Variants in SNTN observed in about 807,000 individuals in gnomAD.
SNTN encodes sentan, cilia apical structure protein.
SNTN carries 13 observed loss-of-function variants against 12.3 expected under a neutral mutation model. That is an observed-to-expected ratio of 1.05 (90% CI 0.69 to 1.67). The LOEUF (loss-of-function observed/expected upper bound fraction) is 1.67, where lower values mean the gene tolerates loss of function less well. Ranked by LOEUF, SNTN falls within the 40% of genes most tolerant of loss-of-function variation. The pLI is 0.00. For missense variants in SNTN, 189 were observed against 169.8 expected (o/e 1.11, Z -0.63); for synonymous variants, 69 against 58.5 (o/e 1.18, Z -0.82).
At chr3:63,653,286 C>T (rs1700640806) in intron 1 of SNTN, among the ~76,000 whole-genome samples, 1 of 152,064 alleles carries the variant, frequency 6.6e-6, no homozygotes, top group Non-Finnish European at 1.5e-5. Flanking sequence ...ATGATTCTTT[C>T]TTCTCAAGGG....
intron 3 of SNTN, among the ~76,000 whole-genome samples, chr3:63,660,274 G>C: frequency 6.6e-6 from 1 of 152,118 alleles, no homozygotes. Flanking sequence ...GGGCCAGTTG[G>C]TGAGAAGGGA....
Position 63,664,514 on chromosome 3 carries a change from T to C in SNTN, c.*419T>C, listed in dbSNP as rs75263136. On this transcript the variant is annotated 3_prime_UTR_variant, in exon 4 of 4. Transcript: ENST00000343837. Reference sequence around the variant, plus strand: ...GTTTGCAGAAGTCTAGCAGAAGAGATAGACATTGAACAATTTTTAAATAAT... The same window carrying C: ...GTTTGCAGAAGTCTAGCAGAAGAGACAGACATTGAACAATTTTTAAATAAT... 594 of 156,278 alleles carry C rather than the reference T, an allele frequency of 3.8e-3. 13 individuals carry two copies. The East Asian group carries it at 0.051, about 13-fold the overall frequency. The allele number at this position is 156,278 out of a possible 1,614,324, so 9.7% of individuals were successfully genotyped here. A position where few individuals can be genotyped will look rare whatever the true frequency, so the allele number is the denominator to read the frequency against.
chr3:63,662,515 G>T (rs1390424574), intron 3 of SNTN, among the ~76,000 whole-genome samples: 1 of 152,204 alleles, frequency 6.6e-6, no homozygotes, highest in Non-Finnish European at 1.5e-5. Context: ...CTTAAAATAT[G>T]CAGGAAATAA....
At chr3:63,656,896 T>A (rs1489320700) in intron 2 of SNTN, among the ~76,000 whole-genome samples, 1 of 152,178 alleles carries the variant, frequency 6.6e-6, no homozygotes, top group East Asian at 1.9e-4. Context: ...CAAGCTATAA[T>A]ACTTAGCCTC....
intron 3 of SNTN, among the ~76,000 whole-genome samples, chr3:63,662,372 T>C (rs1190221441): frequency 6.6e-6 from 1 of 152,150 alleles, no homozygotes. Flanking sequence ...AGGCTAAACA[T>C]GGTTTTGGGG....
At chr3:63,653,921 T>C (rs1230904951) in intron 1 of SNTN, among the ~76,000 whole-genome samples, 3 of 152,304 alleles carry the variant, frequency 2.0e-5, no homozygotes, top group Admixed American at 6.5e-5. Flanking sequence ...CCACCCACAC[T>C]ATACCTCCTC....
At position 63,659,725 on chromosome 3, in the gene SNTN, C is replaced by T. The variant is rs1165564901; in HGVS notation, c.146C>T (p.Ala49Val). Residue 49 changes from alanine to valine, a missense_variant and splice_region_variant, in exon 3 of 4, where the codon GCT becomes GTT. Transcript: ENST00000343837. Reference protein sequence around the residue: ...SISKQLASVKALRKCSDLEKA... With the variant: ...SISKQLASVKVLRKCSDLEKA... ...TTATTCCACATTTCTTCTCTCCTAGCTCTGAGGAAGTGCTCAGATCTGGAA... is the reference window on the plus strand; with the variant it reads ...TTATTCCACATTTCTTCTCTCCTAGTTCTGAGGAAGTGCTCAGATCTGGAA... 1.9e-6 allele frequency: 3 copies of T among 1,613,766 alleles called. No homozygotes were observed. Among genetic ancestry groups the T allele is most frequent in the Non-Finnish European group, 2.5e-6 (3 of 1,179,844 alleles).
intron 2 of SNTN, among the ~76,000 whole-genome samples, chr3:63,655,894 G>A (rs965549219): frequency 1.3e-5 from 2 of 152,170 alleles, no homozygotes; most frequent in African/African-American, 2.4e-5. Flanking sequence ...AATCTCATGA[G>A]GATTAGGAAT....
Position 63,664,083 on chromosome 3 carries a change from A to C in SNTN, c.432A>C (p.Lys144Asn), listed in dbSNP as rs369180579. Residue 144 changes from lysine (K) to asparagine (N), a missense_variant, in exon 4 of 4, where the codon AAA (lysine) becomes AAC (asparagine). Lys to Asn is a moderately conservative substitution (Grantham distance 94). Transcript: ENST00000343837. The part of the protein sequence containing the change: ...SDLLQNIRNV[K>N]IMK ...TGCTACAAAATATACGGAATGTAAA[A>C]ATTATGAAATGAACAGTTTTAAATA... is the stretch of plus-strand genomic sequence containing the variant. 3.9e-5 allele frequency: 63 copies of C among 1,606,654 alleles called. No individual in the cohort carries two copies. Among genetic ancestry groups the C allele is most frequent in the Middle Eastern group, 3.3e-4 (2 of 6,048 alleles).
At chr3:63,657,614 G>T (rs950176058) in intron 2 of SNTN, among the ~76,000 whole-genome samples, 1 of 152,072 alleles carries the variant, frequency 6.6e-6, no homozygotes, top group African/African-American at 2.4e-5. Context: ...GAAGGGAAAG[G>T]CATGCTGTTT....
rs889728129 is a variant in SNTN at position 63,658,231 on chromosome 3, C to A, written c.146-1494C>A. Among the ~76,000 whole-genome samples the A allele has an allele frequency of 3.4e-4, 52 of 151,952 alleles. 2 individuals carry two copies. Among genetic ancestry groups the A allele is most frequent in the Admixed American group, 6.6e-5 (1 of 15,240 alleles). ...GCAAATTCCTAATCTCACCCTGAAC[C>A]TCACCCTTTTCGTGGCTGGCTCCTC... On this transcript the variant is annotated intron_variant, in intron 2 of 3. Transcript: ENST00000343837.
intron 2 of SNTN, 48 bp from the exon 3 acceptor site, chr3:63,659,677 G>T: frequency 6.2e-7 from 1 of 1,608,672 alleles, no homozygotes; most frequent in Non-Finnish European, 8.5e-7. Flanking sequence ...TCTGGGGAAG[G>T]GTTATTTCTA....
chr3:63,653,436 G>A (rs1276335000), intron 1 of SNTN, among the ~76,000 whole-genome samples: 2 of 152,076 alleles, frequency 1.3e-5, no homozygotes, highest in Admixed American at 1.3e-4. Flanking sequence ...TAGAAGAGCA[G>A]GAGGCACTCA....
At chr3:63,661,347 T>A (rs1700741548) in intron 3 of SNTN, among the ~76,000 whole-genome samples, 1 of 152,130 alleles carries the variant, frequency 6.6e-6, no homozygotes, top group African/African-American at 2.4e-5. Flanking sequence ...TCTGAAATAT[T>A]GAAAAGATAT....
chr3:63,658,542 A>C, intron 2 of SNTN, among the ~76,000 whole-genome samples: 1 of 151,914 alleles, frequency 6.6e-6, no homozygotes, highest in Non-Finnish European at 1.5e-5. Context: ...AAGATCTATG[A>C]GAGCAGAAAC....
In SNTN at chr3:63,657,660, C is replaced by T. The variant is rs541526314; in HGVS notation, c.146-2065C>T. On this transcript the variant is annotated intron_variant, in intron 2 of 3. Transcript: ENST00000343837. ...ATGCAGGAAAAGAATGGGAAGTTGGCTAGACCAGATGGAGTTCCCATTTCA... is the reference window on the plus strand; with the variant it reads ...ATGCAGGAAAAGAATGGGAAGTTGGTTAGACCAGATGGAGTTCCCATTTCA... 1.5e-4 allele frequency among the ~76,000 whole-genome samples: 23 copies of T among 152,220 alleles called. No homozygotes were observed. The South Asian group carries it at 4.6e-3, about 30-fold the overall frequency.
Position 63,664,832 on chromosome 3 carries a change from A to C in SNTN, c.*737A>C, listed in dbSNP as rs1024380827. ...CAATGGCACGATCTCAGCTTACTGC[A>C]ACCTCGATCTCCCAGGTTCAAGTGA... On this transcript the variant is annotated 3_prime_UTR_variant, in exon 4 of 4. Transcript: ENST00000343837. The C allele has an allele frequency of 6.6e-6, 1 of 152,088 alleles. No individual in the cohort carries two copies. Among genetic ancestry groups the C allele is most frequent in the Non-Finnish European group, 1.5e-5 (1 of 68,062 alleles). 9.4% of individuals were successfully genotyped at this position (152,088 alleles called of 1,614,324 possible).
rs940509438 is a variant in SNTN at position 63,652,766 on chromosome 3, T to C, written c.79T>C (p.Ser27Pro). ...GDPNPSAAPTSTCAPRKMPKR... is the reference protein window; with the variant it reads ...GDPNPSAAPTPTCAPRKMPKR... ...TCCCAATCCTTCTGCAGCCCCAACA[T>C]CCACCTGCGCACCTAGGAAAATGCC... is the stretch of plus-strand genomic sequence containing the variant. Residue 27 changes from serine (S) to proline (P), a missense_variant, in exon 1 of 4, where the codon TCC (serine) becomes CCC (proline). Coordinates refer to ENST00000343837, the MANE Select transcript of SNTN (RefSeq NM_001080537.2). 3 of 1,613,912 alleles carry C rather than the reference T, an allele frequency of 1.9e-6. No individual in the cohort carries two copies. The highest frequency in any genetic ancestry group is 1.7e-6 in the Non-Finnish European group (2 of 1,179,938).
In SNTN at chr3:63,659,083, G is replaced by A. The variant is rs116147578; in HGVS notation, c.146-642G>A. 5.3e-3 allele frequency among the ~76,000 whole-genome samples: 812 copies of A among 152,214 alleles called. 15 individuals carry two copies. The highest frequency in any genetic ancestry group is 0.019 in the African/African-American group (784 of 41,528). On this transcript the variant is annotated intron_variant, in intron 2 of 3. Coordinates refer to ENST00000343837, the MANE Select transcript of SNTN (RefSeq NM_001080537.2). ...GTGACTAAAAGAACACAAAGCATAC[G>A]AATTTTCTTCATGGTAACTTGTACA...
Sources: allele counts gnomAD v4.1 joint callset (sites outside exome capture counted in the v4.1 genomes callset), GRCh38; gene constraint gnomAD v4.1.1; transcripts MANE v1.5; gene names NCBI Gene and HGNC (gene_info 2026-07-23, HGNC 2026-07-21).